RYR2: variants seen among roughly 807,000 people sequenced by gnomAD.
RYR2 encodes cardiac muscle ryanodine receptor-calcium release channel.
In RYR2, 227 loss-of-function variants were observed where a neutral mutation model predicts 601.1. That is an observed-to-expected ratio of 0.38 (90% CI 0.34 to 0.42). The LOEUF is 0.42. Among genes scored for constraint, RYR2 ranks in the 10% least tolerant of loss-of-function variants. The probability of loss-of-function intolerance (pLI) is 1.00; values close to 1 mark genes in which losing one functional copy is unlikely to be tolerated. For missense variants in RYR2, 4,646 were observed against 6,156.5 expected (o/e 0.75, Z 8.21); for synonymous variants, 2,223 against 2,175.1 (o/e 1.02, Z -0.61).
At chr1:237,302,688 C>T (rs1407241761) in intron 2 of RYR2, among the ~76,000 whole-genome samples, 1 of 152,192 alleles carries the variant, frequency 6.6e-6, no homozygotes, top group African/African-American at 2.4e-5. Flanking sequence ...ATCAGACAGA[C>T]ATGGAAGCCA....
intron 2 of RYR2, among the ~76,000 whole-genome samples, chr1:237,301,202 A>T (rs1693316516): frequency 6.6e-6 from 1 of 152,130 alleles, no homozygotes; most frequent in South Asian, 2.1e-4. Flanking sequence ...CTACTTAGAG[A>T]CTGAAAAAAA....
At position 237,298,465 on chromosome 1, in the gene RYR2, A is replaced by G. The variant is rs191962710; in HGVS notation, c.168+27849A>G. ...AGAATCATTGGTGTAGGCTTTACAG[A>G]TGGAATGTGTGGCTGAAATACACAG... is the stretch of plus-strand genomic sequence containing the variant. On this transcript the variant is annotated intron_variant, in intron 2 of 104. Coordinates refer to ENST00000366574, the MANE Select transcript of RYR2 (RefSeq NM_001035.3). Among the ~76,000 whole-genome samples the G allele has an allele frequency of 4.2e-4, 64 of 152,238 alleles. 2 individuals are homozygous for G. The highest frequency in any genetic ancestry group is 3.9e-3 in the Admixed American group (59 of 15,292).
intron 2 of RYR2, among the ~76,000 whole-genome samples, chr1:237,306,205 T>C (rs1227337705): frequency 2.0e-5 from 3 of 152,176 alleles, no homozygotes; most frequent in Non-Finnish European, 1.5e-5. Flanking sequence ...ATTTAATAAT[T>C]TTCTATCTGT....
intron 63 of RYR2, among the ~76,000 whole-genome samples, chr1:237,691,084 G>A (rs1686903271): frequency 1.3e-5 from 2 of 152,120 alleles, no homozygotes; most frequent in Admixed American, 1.3e-4. Flanking sequence ...TTACAAGCGT[G>A]AGCCACCACG....
intron 29 of RYR2, among the ~76,000 whole-genome samples, chr1:237,585,162 C>A (rs1674390094): frequency 6.6e-6 from 1 of 152,154 alleles, no homozygotes; most frequent in Non-Finnish European, 1.5e-5. Context: ...ATCCATGAAA[C>A]CTAAAATGTC....
intron 1 of RYR2, among the ~76,000 whole-genome samples, chr1:237,266,726 G>C (rs1422010591): frequency 1.3e-5 from 2 of 152,208 alleles, no homozygotes; most frequent in African/African-American, 4.8e-5. Flanking sequence ...AGATTAGGTT[G>C]TATCATTCAA....
chr1:237,626,850 G>C (rs1311932643), intron 40 of RYR2, among the ~76,000 whole-genome samples: 2 of 151,810 alleles, frequency 1.3e-5, no homozygotes, highest in Non-Finnish European at 2.9e-5. Flanking sequence ...TGGGATTATA[G>C]GAGTGAGCCA....
At position 237,106,134 on chromosome 1, in the gene RYR2, T is replaced by G. The variant is rs6696837; in HGVS notation, c.48+63565T>G. Among the ~76,000 whole-genome samples, 93,319 of 151,946 alleles carry G rather than the reference T, an allele frequency of 0.61. 30,717 individuals are homozygous for G. The highest frequency in any genetic ancestry group is 0.87 in the African/African-American group (36,187 of 41,470). ...AGAGGACTGGGCTCTTGCTATTACTTTTAGCCATATGGGAGTCATTGCAAT... is the reference window on the plus strand; with the variant it reads ...AGAGGACTGGGCTCTTGCTATTACTGTTAGCCATATGGGAGTCATTGCAAT... On this transcript the variant is annotated intron_variant, in intron 1 of 104. Transcript: ENST00000366574. This position sits in a 1 kb window ranked among gnomAD's most constrained non-coding sequence, Gnocchi z 4.4.
At chr1:237,269,576 A>G (rs904808735) in intron 1 of RYR2, among the ~76,000 whole-genome samples, 1 of 152,172 alleles carries the variant, frequency 6.6e-6, no homozygotes, top group East Asian at 1.9e-4. Flanking sequence ...CAAAACACGT[A>G]AATGGTCAGA....
intron 2 of RYR2, among the ~76,000 whole-genome samples, chr1:237,323,671 T>C (rs1302745241): frequency 6.6e-6 from 1 of 152,238 alleles, no homozygotes; most frequent in Non-Finnish European, 1.5e-5. Flanking sequence ...GGGATTTTCA[T>C]AATTAGCTGC....
intron 17 of RYR2, among the ~76,000 whole-genome samples, chr1:237,490,502 C>T (rs545072877): frequency 1.1e-3 from 174 of 151,676 alleles, no homozygotes; most frequent in African/African-American, 4.1e-3. Flanking sequence ...TTTGTTTCTA[C>T]GTTTTTAGTA....
chr1:237,582,760 G>A (rs894042918), intron 29 of RYR2, among the ~76,000 whole-genome samples: 3 of 151,976 alleles, frequency 2.0e-5, no homozygotes, highest in Non-Finnish European at 4.4e-5. Flanking sequence ...TTTTTTTATA[G>A]CTGCATAGTA....
chr1:237,672,415 T>C (rs916174888), intron 58 of RYR2, among the ~76,000 whole-genome samples: 2 of 152,232 alleles, frequency 1.3e-5, no homozygotes, highest in African/African-American at 4.8e-5. Context: ...AGGTGATGGT[T>C]GATTAAATTA....
chr1:237,387,310 C>A lies in RYR2; in HGVS notation c.606C>A (p.His202Gln), dbSNP rs1438256315. The change falls in exon 9 of 105, where the codon CAC becomes CAA. Residue 202 changes from histidine to glutamine, a missense_variant. Physicochemically the swap from His to Gln is conservative, Grantham distance 24 (BLOSUM62 0). Coordinates refer to ENST00000366574, the MANE Select transcript of RYR2 (RefSeq NM_001035.3). ...TGTCTTATGGCAACGGCAGCTTACA[C>A]GTGGATGCCGCTTTCCAGCAGACTC... Reference protein sequence around the residue: ...LHLSYGNGSLHVDAAFQQTLW... With the variant: ...LHLSYGNGSLQVDAAFQQTLW... 6.2e-7 allele frequency: 1 copy of A among 1,613,912 alleles called. No homozygotes were observed. Among genetic ancestry groups the A allele is most frequent in the Non-Finnish European group, 8.5e-7 (1 of 1,179,896 alleles).
At chr1:237,802,894 C>T (rs1660137404) in intron 98 of RYR2, among the ~76,000 whole-genome samples, 1 of 152,216 alleles carries the variant, frequency 6.6e-6, no homozygotes, top group Admixed American at 6.5e-5. Flanking sequence ...ATAACTTGGG[C>T]ATGGATAGAT....
intron 23 of RYR2, among the ~76,000 whole-genome samples, chr1:237,509,052 A>C (rs1213138493): frequency 6.6e-6 from 1 of 151,590 alleles, no homozygotes; most frequent in African/African-American, 2.4e-5. Flanking sequence ...AGGGTTTTCA[A>C]ATATTAAAGG....
intron 17 of RYR2, among the ~76,000 whole-genome samples, chr1:237,481,835 AC>A (rs377375826): frequency 0.1 from 11,951 of 117,818 alleles, 1,580 homozygotes; most frequent in African/African-American, 0.23. Context: ...AAAAAAAAAA[AC>A]CACCTCCCAA....
intron 26 of RYR2, among the ~76,000 whole-genome samples, chr1:237,548,861 A>C (rs1417763539): frequency 1.3e-5 from 2 of 152,096 alleles, no homozygotes; most frequent in African/African-American, 4.8e-5. Context: ...TCTCTCTGAG[A>C]CTGTATTTTA....
chr1:237,771,408 C>A (rs566303696), intron 85 of RYR2, among the ~76,000 whole-genome samples: 20 of 121,226 alleles, frequency 1.6e-4, no homozygotes, highest in Admixed American at 4.0e-4. Flanking sequence ...AAGATCCTGT[C>A]TCTCAATAAA....
Sources: gnomAD v4.1 joint callset for allele counts (sites outside exome capture counted in the v4.1 genomes callset) on GRCh38, gnomAD v4.1.1 for gene constraint, Gnocchi (gnomAD v3.1) non-coding constraint, MANE v1.5 for transcripts, NCBI Gene and HGNC (gene_info 2026-07-23, HGNC 2026-07-21) for gene names.